Variants in ATP12A observed in about 807,000 individuals in gnomAD.
ATP12A encodes the protein potassium-transporting ATPase alpha chain 2.
ATP12A carries 81 observed loss-of-function variants against 111.2 expected under a neutral mutation model. That is an observed-to-expected ratio of 0.73 (90% confidence interval 0.61 to 0.88). The LOEUF (loss-of-function observed/expected upper bound fraction) is 0.88. Ranked by LOEUF, ATP12A falls within the 40% of genes least tolerant of loss-of-function variation. The probability of loss-of-function intolerance (pLI) is 0.00; values close to 1 mark genes in which losing one functional copy is unlikely to be tolerated. For synonymous variants in ATP12A, 498 were observed against 499.8 expected (o/e 1.00, Z 0.05); for missense variants, 1,196 against 1,313.1 (o/e 0.91, Z 1.38).
At chr13:24,694,730 C>A in intron 11 of ATP12A, 152 bp downstream of exon 11, 1 of 1,218,304 alleles carries the variant, frequency 8.2e-7, no homozygotes, top group Non-Finnish European at 1.1e-6. Context: ...TCCCCTAGGT[C>A]AAGCTCCCTT....
Sources: allele counts gnomAD v4.1 joint callset, GRCh38; gene constraint gnomAD v4.1.1; transcripts MANE v1.5; gene names NCBI Gene and HGNC (gene_info 2026-07-23, HGNC 2026-07-21).